The following FBN1 variants were observed in gnomAD, a reference collection of about 807,000 sequenced individuals.
FBN1 encodes the protein fibrillin 1.
Under a neutral mutation model 365.1 loss-of-function variants are expected in FBN1, and 29 were observed. The observed-to-expected ratio is 0.08, with a 90% CI of 0.06 to 0.11. The LOEUF is 0.11. FBN1 is among the 10% of genes least tolerant of loss of function. FBN1 has a pLI of 1.00. For missense variants in FBN1, 2,476 were observed against 3,703.2 expected (o/e 0.67, Z 8.60); for synonymous variants, 1,210 against 1,270.5 (o/e 0.95, Z 1.01).
rs1461142726 is a variant in FBN1 at position 48,408,764 on chromosome 15, A to C, written c.*2226T>G. The stretch of plus-strand genomic sequence containing the variant: ...GCTGTTCAAAATTGTTGGCTCAGGA[A>C]TAAATAAAATCCAGACTTGGACTAT... On this transcript the variant is annotated 3_prime_UTR_variant, in exon 66 of 66. Coordinates refer to ENST00000316623, the MANE Select transcript of FBN1 (RefSeq NM_000138.5). 1.3e-5 allele frequency: 2 copies of C among 152,670 alleles called. No individual in the cohort carries two copies. The highest frequency in any genetic ancestry group is 4.8e-5 in the African/African-American group (2 of 41,454). The allele number at this position is 152,670 out of a possible 1,614,324, so 9.5% of individuals were successfully genotyped here. A position where few individuals can be genotyped will look rare whatever the true frequency, so the allele number is the denominator to read the frequency against.
intron 6 of FBN1, among the ~76,000 whole-genome samples, chr15:48,589,766 A>G (rs1417519510): frequency 1.3e-5 from 2 of 151,852 alleles, no homozygotes; most frequent in Non-Finnish European, 2.9e-5. Context: ...GGTGCCCACC[A>G]CCACGCCCGG....
rs997752209 is a variant in FBN1, at chr15:48,410,062, A to G, written c.*928T>C. The G allele has an allele frequency of 6.6e-6, 1 of 152,618 alleles. No individual in the cohort carries two copies. 9.5% of individuals were successfully genotyped at this position (152,618 alleles called of 1,614,324 possible). A position where few individuals can be genotyped will look rare whatever the true frequency, so the allele number is the denominator to read the frequency against. ...AACCCCAAATCCATGCAAGAACACAAAGCCAAGGGGTAAACTAAAAAAAAG... is the reference window on the plus strand; with the variant it reads ...AACCCCAAATCCATGCAAGAACACAGAGCCAAGGGGTAAACTAAAAAAAAG... On this transcript the variant is annotated 3_prime_UTR_variant, in exon 66 of 66. Coordinates refer to ENST00000316623, the MANE Select transcript of FBN1 (RefSeq NM_000138.5).
chr15:48,482,132 C>A (rs1038976413), intron 31 of FBN1, among the ~76,000 whole-genome samples: 7 of 152,162 alleles, frequency 4.6e-5, no homozygotes. Flanking sequence ...ATGATGATAA[C>A]AATTTAGTTT....
chr15:48,542,677 C>T (rs996880346), intron 6 of FBN1, among the ~76,000 whole-genome samples: 2 of 152,112 alleles, frequency 1.3e-5, no homozygotes, highest in Non-Finnish European at 1.5e-5. Flanking sequence ...TGTCCTCCCC[C>T]AGTTTTCCCC....
chr15:48,418,194 G>A (rs1035973929), intron 63 of FBN1, among the ~76,000 whole-genome samples: 1 of 152,158 alleles, frequency 6.6e-6, no homozygotes, highest in Middle Eastern at 3.2e-3. Flanking sequence ...GAGAAAGTGG[G>A]CACCCTTCAA....
At position 48,644,921 on chromosome 15, in the gene FBN1, G is replaced by A; in HGVS notation, c.-152C>T. On this transcript the variant is annotated 5_prime_UTR_variant, in exon 2 of 66. Transcript: ENST00000316623. Reference sequence around the variant, plus strand: ...CGGGCTCCTCCCGCCTTCTCCAGGCGCTGCTCCCACTTCAGGCGGCCCCTG... The same window carrying A: ...CGGGCTCCTCCCGCCTTCTCCAGGCACTGCTCCCACTTCAGGCGGCCCCTG... The A allele has an allele frequency of 3.0e-6, 2 of 677,548 alleles. No individual in the cohort carries two copies. Among genetic ancestry groups the A allele is most frequent in the Non-Finnish European group, 4.1e-6 (2 of 485,744 alleles). 42.0% of individuals were successfully genotyped at this position (677,548 alleles called of 1,614,324 possible).
At chr15:48,521,097 A>G (rs1018761577) in intron 9 of FBN1, among the ~76,000 whole-genome samples, 2 of 152,238 alleles carry the variant, frequency 1.3e-5, no homozygotes, top group African/African-American at 4.8e-5. Flanking sequence ...TGTGTGCCAT[A>G]GGAAAAGAGA....
chr15:48,622,007 A>G (rs899321684), intron 2 of FBN1, among the ~76,000 whole-genome samples: 2 of 152,098 alleles, frequency 1.3e-5, no homozygotes, highest in African/African-American at 2.4e-5. Context: ...CAAAAAAAAA[A>G]AAAAGAAAAA....
In FBN1 at chr15:48,468,094, A is replaced by C; in HGVS notation, c.4591T>G (p.Ser1531Ala). The C allele has an allele frequency of 1.9e-6, 3 of 1,614,106 alleles. No individual in the cohort carries two copies. Among genetic ancestry groups the C allele is most frequent in the Non-Finnish European group, 2.5e-6 (3 of 1,180,006 alleles). The change falls in exon 38 of 66, where the codon TCT becomes GCT. Residue 1531 changes from serine to alanine, a missense_variant. By Grantham distance (99) the Ser-to-Ala change is moderately conservative (BLOSUM62 1). Around this residue, in one of 5 missense-constraint regions of FBN1, gnomAD observed 1,780 missense variants for 2,840.8 expected, o/e 0.63. Coordinates refer to ENST00000316623, the MANE Select transcript of FBN1 (RefSeq NM_000138.5). ...PTRVGCVDTRSGNCYLDIRPR... is the reference protein window; with the variant it reads ...PTRVGCVDTRAGNCYLDIRPR... ...CGAATATCCAAATAGCAATTTCCAG[A>C]GCGGGTATCTATTTACCATATACAA...
Position 48,430,798 on chromosome 15 carries a change from C to T in FBN1, c.6744G>A (p.Glu2248=), listed in dbSNP as rs1481838238. The change falls in exon 56 of 66, where the codon GAG becomes GAA. Residue 2248 remains glutamate (E), a synonymous_variant. Transcript: ENST00000316623. Reference sequence around the variant, plus strand: ...CATGTTTTCCCTCTTCACACTCATCCTCATCTGTAAAAAATGTACAATCAC... The same window carrying T: ...CATGTTTTCCCTCTTCACACTCATCTTCATCTGTAAAAAATGTACAATCAC... ...LREDRRMCKD[E]DECEEGKHDC... 1 of 1,613,606 alleles carries T rather than the reference C, an allele frequency of 6.2e-7. No homozygotes were observed. Among genetic ancestry groups the T allele is most frequent in the Non-Finnish European group, 8.5e-7 (1 of 1,179,740 alleles).
chr15:48,477,082 T>C lies in FBN1; in HGVS notation c.3965-2432A>G, dbSNP rs28377073. Among the ~76,000 whole-genome samples the C allele has an allele frequency of 6.0e-3, 910 of 152,288 alleles. 7 individuals carry two copies. Among genetic ancestry groups the C allele is most frequent in the African/African-American group, 0.021 (862 of 41,564 alleles). ...AGATGACCACAACCTATTAATCTAG[T>C]AATTCTGTAATCTTTTTCTTTCCAG... On this transcript the variant is annotated intron_variant, in intron 32 of 65. Coordinates refer to ENST00000316623, the MANE Select transcript of FBN1 (RefSeq NM_000138.5).
At chr15:48,637,074 G>A (rs533985400) in intron 2 of FBN1, among the ~76,000 whole-genome samples, 4 of 152,186 alleles carry the variant, frequency 2.6e-5, no homozygotes, top group African/African-American at 9.6e-5. Context: ...GGTCCTCCTC[G>A]CCTTTGTCTT....
rs1284375434 is a variant in FBN1, at chr15:48,427,732, T to C, written c.7039A>G (p.Met2347Val). 1.9e-6 allele frequency: 3 copies of C among 1,614,114 alleles called. No individual in the cohort carries two copies. Among genetic ancestry groups the C allele is most frequent in the South Asian group, 1.1e-5 (1 of 91,084 alleles). Residue 2347 changes from methionine to valine, a missense_variant, in exon 58 of 66, where the codon ATG becomes GTG. By Grantham distance (21) the Met-to-Val change is conservative. This residue lies in a region of FBN1 where 1,780 missense variants were observed against 2,840.8 expected (regional missense o/e 0.63). Coordinates refer to ENST00000316623, the MANE Select transcript of FBN1 (RefSeq NM_000138.5). ...CTGTTGCTGGAGCCGATCTGACACA[T>C]GTTTTGTAGCACCTCTGTGAAGCAG... Reference protein sequence around the residue: ...GYCFTEVLQNMCQIGSSNRNP... With the variant: ...GYCFTEVLQNVCQIGSSNRNP...
At chr15:48,510,418 C>T (rs1037255818) in intron 13 of FBN1, among the ~76,000 whole-genome samples, 7 of 152,076 alleles carry the variant, frequency 4.6e-5, no homozygotes, top group African/African-American at 1.7e-4. Flanking sequence ...TCCTTAAATC[C>T]GAAGTCTGTA....
chr15:48,565,749 A>G (rs2044255084), intron 6 of FBN1, among the ~76,000 whole-genome samples: 1 of 152,170 alleles, frequency 6.6e-6, no homozygotes, highest in Non-Finnish European at 1.5e-5. Context: ...AGTGTATAAA[A>G]CGAAAAAGCT....
intron 34 of FBN1, among the ~76,000 whole-genome samples, chr15:48,473,219 G>T (rs1259980054): frequency 1.3e-5 from 2 of 151,994 alleles, no homozygotes; most frequent in Non-Finnish European, 2.9e-5. Context: ...CAATAAGTTA[G>T]GCAAAAATGA....
At chr15:48,563,841 C>T (rs1231505054) in intron 6 of FBN1, among the ~76,000 whole-genome samples, 1 of 152,176 alleles carries the variant, frequency 6.6e-6, no homozygotes, top group East Asian at 1.9e-4. Context: ...ACAGTCACCC[C>T]TGAATCCAGA....
At chr15:48,487,815 C>A (rs1329605195) in intron 27 of FBN1, among the ~76,000 whole-genome samples, 1 of 152,216 alleles carries the variant, frequency 6.6e-6, no homozygotes, top group African/African-American at 2.4e-5. Flanking sequence ...GGACAGACAT[C>A]TTGTAAAGGG....
intron 48 of FBN1, 34 bp from the exon 49 acceptor site, chr15:48,444,694 C>T (rs1276490392): frequency 6.2e-7 from 1 of 1,611,290 alleles, no homozygotes; most frequent in East Asian, 2.2e-5. Flanking sequence ...GGAAGAGGTT[C>T]CCACTGGCAT....
Sources: allele counts gnomAD v4.1 joint callset (sites outside exome capture counted in the v4.1 genomes callset), GRCh38; gene constraint gnomAD v4.1.1; regional missense constraint gnomAD v4.1.1; transcripts MANE v1.5; gene names NCBI Gene and HGNC (gene_info 2026-07-23, HGNC 2026-07-21).